MTA1: variants seen among roughly 807,000 people sequenced by gnomAD.
MTA1 encodes the protein metastasis-associated protein MTA1.
In MTA1, 15 loss-of-function variants were observed where a neutral mutation model predicts 97.0. The ratio of observed to expected loss-of-function variants is 0.15; its 90% CI spans 0.10 to 0.24. The LOEUF (loss-of-function observed/expected upper bound fraction) is 0.24. Among genes scored for constraint, MTA1 ranks in the 10% least tolerant of loss-of-function variants. The pLI is 1.00. For missense variants in MTA1, 709 were observed against 1,015.1 expected (o/e 0.70, Z 4.10); for synonymous variants, 435 against 417.5 (o/e 1.04, Z -0.51).
At chr14:105,435,152 G>C (rs984469438) in intron 1 of MTA1, among the ~76,000 whole-genome samples, 6 of 152,144 alleles carry the variant, frequency 3.9e-5, no homozygotes, top group African/African-American at 1.4e-4. Flanking sequence ...TTAGTTCCTT[G>C]TTTGCTCAGA....
Position 105,450,037 on chromosome 14 carries a change from CA to C in MTA1, c.242-20del. ...CAGTGTGCGTCTGCCGCGGTGCTGA[CA>C]GGGGCTCCTTGTCCTTCAGGGGAAA... On this transcript the variant is annotated intron_variant, in intron 4 of 20. Transcript: ENST00000331320. 1 of 1,613,414 alleles carries C rather than the reference CA, an allele frequency of 6.2e-7. No homozygotes were observed. The highest frequency in any genetic ancestry group is 1.1e-5 in the South Asian group (1 of 91,052).
At chr14:105,430,400 T>C (rs1389517988) in intron 1 of MTA1, among the ~76,000 whole-genome samples, 3 of 152,150 alleles carry the variant, frequency 2.0e-5, no homozygotes, top group African/African-American at 4.8e-5. Flanking sequence ...AAGTTCTTAG[T>C]TGGGGTATGG....
intron 1 of MTA1, among the ~76,000 whole-genome samples, chr14:105,437,216 C>A (rs1555424559): frequency 6.6e-6 from 1 of 152,102 alleles, no homozygotes; most frequent in African/African-American, 2.4e-5. Flanking sequence ...GGTGTGCACC[C>A]ACAGATGTGT....
chr14:105,459,431 G>A (rs71423211), intron 8 of MTA1, among the ~76,000 whole-genome samples: 546 of 3,472 alleles, frequency 0.16, 199 homozygotes, highest in South Asian at 1. Context: ...GGGGGAGTCC[G>A]TGCTGCCCAT....
chr14:105,427,969 G>A (rs987113112), intron 1 of MTA1, among the ~76,000 whole-genome samples: 2 of 142,042 alleles, frequency 1.4e-5, no homozygotes, highest in South Asian at 2.2e-4. Context: ...AGTGAGTGGA[G>A]ATCGCACCAC....
At chr14:105,467,780 G>A in intron 18 of MTA1, 1 of 277,644 alleles carries the variant, frequency 3.6e-6, no homozygotes, top group South Asian at 3.1e-5. Flanking sequence ...TGTTCCTAAT[G>A]GCAGGGCGTC....
At chr14:105,462,890 T>A (rs79218261) in intron 10 of MTA1, among the ~76,000 whole-genome samples, 72 of 151,212 alleles carry the variant, frequency 4.8e-4, no homozygotes, top group Non-Finnish European at 8.6e-4. Context: ...AAAAAAAGGC[T>A]GAGATGGAGG....
At position 105,422,477 on chromosome 14, in the gene MTA1, G is replaced by T. The variant is rs1020206357; in HGVS notation, c.28+2414G>T. Among the ~76,000 whole-genome samples, 13 of 152,262 alleles carry T rather than the reference G, an allele frequency of 8.5e-5. No homozygotes were observed. The highest frequency in any genetic ancestry group is 2.9e-4 in the African/African-American group (12 of 41,560). On this transcript the variant is annotated intron_variant, in intron 1 of 20. Transcript: ENST00000331320. The surrounding 1 kb of genome is among the most constrained non-coding windows in gnomAD (Gnocchi z 4.3). ...CCTGGCCTGTGGGAGATGCCGGCAG[G>T]GACCCAGCCTGGGAAGGGGCTTGCT...
rs2083450202 is a variant in MTA1, at chr14:105,463,697, C to G, written c.1076+146C>G. 2 of 739,416 alleles carry G rather than the reference C, an allele frequency of 2.7e-6. No homozygotes were observed. Among genetic ancestry groups the G allele is most frequent in the Admixed American group, 5.2e-5 (2 of 38,188 alleles). The allele number at this position is 739,416 out of a possible 1,614,324, so 45.8% of individuals were successfully genotyped here. A position where few individuals can be genotyped will look rare whatever the true frequency, so the allele number is the denominator to read the frequency against. On this transcript the variant is annotated intron_variant, in intron 12 of 20. Coordinates refer to ENST00000331320, the MANE Select transcript of MTA1 (RefSeq NM_004689.4). This position sits in a 1 kb window ranked among gnomAD's most constrained non-coding sequence, Gnocchi z 5.9. Reference sequence around the variant, plus strand: ...CAGCCCCCGGGAGGGCGGCCCAGGGCTGGGGGGTTCTGGCTGCAGACGCAG... The same window carrying G: ...CAGCCCCCGGGAGGGCGGCCCAGGGGTGGGGGGTTCTGGCTGCAGACGCAG...
chr14:105,464,238 C>A (rs587665476), intron 13 of MTA1, 91 bp downstream of exon 13: 1 of 1,453,626 alleles, frequency 6.9e-7, no homozygotes, highest in Non-Finnish European at 9.4e-7. Flanking sequence ...CATGGCCCAG[C>A]CTGCAAGGGG....
At chr14:105,460,565 C>A in intron 9 of MTA1, 108 bp downstream of exon 9, 2 of 1,265,250 alleles carry the variant, frequency 1.6e-6, no homozygotes, top group African/African-American at 1.5e-5. Flanking sequence ...GTATTCAGGA[C>A]CCCTGCAGAG....
At chr14:105,468,210 C>A (rs918654636) in intron 18 of MTA1, 1 of 1,023,326 alleles carries the variant, frequency 9.8e-7, no homozygotes, top group East Asian at 6.0e-5. Flanking sequence ...GGCCCCAGCG[C>A]TCTAACCCGG....
rs2081951865 is a variant in MTA1, at chr14:105,424,521, AGTCTCACTCT to A, written c.28+4462_28+4471del. Among the ~76,000 whole-genome samples the A allele has an allele frequency of 6.7e-6, 1 of 149,528 alleles. No individual in the cohort carries two copies. Among genetic ancestry groups the A allele is most frequent in the Admixed American group, 6.7e-5 (1 of 14,994 alleles). ...TGGCTTTTTTTTTTGTTTTTGAGAC[AGTCTCACTCT>A]GTCACCCAGGCTGGAGTGCAGTGGC... On this transcript the variant is annotated intron_variant, in intron 1 of 20. Coordinates refer to ENST00000331320, the MANE Select transcript of MTA1 (RefSeq NM_004689.4). The surrounding 1 kb of genome is among the most constrained non-coding windows in gnomAD (Gnocchi z 4.0).
In MTA1 at chr14:105,464,973, C is replaced by G. The variant is rs1293317331; in HGVS notation, c.1534+110C>G. On this transcript the variant is annotated intron_variant, in intron 15 of 20. Transcript: ENST00000331320. ...ACTGGGAGTTCTGATCTCAGGGAGC[C>G]CCACGTCCTCCTCGGTGCTGACATG... 5 of 1,422,186 alleles carry G rather than the reference C, an allele frequency of 3.5e-6. No individual in the cohort carries two copies. The Admixed American group carries it at 7.9e-5, about 22-fold the overall frequency. 88.1% of individuals were successfully genotyped at this position (1,422,186 alleles called of 1,614,324 possible).
intron 2 of MTA1, 64 bp downstream of exon 2, chr14:105,438,803 C>T (rs1819832188): frequency 2.6e-6 from 4 of 1,563,048 alleles, no homozygotes; most frequent in Admixed American, 1.7e-5. Context: ...AGCTCCTGCC[C>T]TGTGGGTGGC....
Position 105,457,880 on chromosome 14 carries a change from G to A in MTA1, c.551-390G>A, listed in dbSNP as rs587725921. 2.6e-4 allele frequency among the ~76,000 whole-genome samples: 39 copies of A among 152,068 alleles called. No individual in the cohort carries two copies. In the East Asian group the frequency reaches 6.0e-3, roughly 23 times the overall value. ...GCGGAGGTTGTAGTGAGCCAAGATC[G>A]TACCACTGTATTCCAGCCTGGGCGA... On this transcript the variant is annotated intron_variant, in intron 7 of 20. Transcript: ENST00000331320.
chr14:105,440,386 C>T (rs2082470110), intron 2 of MTA1, among the ~76,000 whole-genome samples: 1 of 152,220 alleles, frequency 6.6e-6, no homozygotes, highest in African/African-American at 2.4e-5. Flanking sequence ...CGGCAGATGG[C>T]ACTGCTGGCC....
At chr14:105,454,170 C>T (rs370055630) in intron 6 of MTA1, 23 bp from the exon 7 acceptor site, 3 of 1,581,422 alleles carry the variant, frequency 1.9e-6, no homozygotes, top group Non-Finnish European at 1.7e-6. Context: ...TGACGCCTCT[C>T]TGTCTCCTGT....
rs1555433902 is a variant in MTA1, at chr14:105,469,868, G to C, written c.1873G>C (p.Gly625Arg). Residue 625 changes from glycine to arginine, a missense_variant, in exon 20 of 21, where the codon GGG (glycine) becomes CGG (arginine). By Grantham distance (125) the Gly-to-Arg change is moderately radical (BLOSUM62 -2). Coordinates refer to ENST00000331320, the MANE Select transcript of MTA1 (RefSeq NM_004689.4). ...ACCAAGCCGGAACCTCCTGCTCAAC[G>C]GGAAGTCCTACCCCACCAAAGTGCG... ...MGPSRNLLLN[G>R]KSYPTKVRLI... The C allele has an allele frequency of 6.2e-7, 1 of 1,609,704 alleles. No individual in the cohort carries two copies. Among genetic ancestry groups the C allele is most frequent in the South Asian group, 1.1e-5 (1 of 90,544 alleles).
Sources: allele counts gnomAD v4.1 joint callset (sites outside exome capture counted in the v4.1 genomes callset), GRCh38; gene constraint gnomAD v4.1.1; non-coding constraint Gnocchi (gnomAD v3.1); transcripts MANE v1.5; gene names NCBI Gene and HGNC (gene_info 2026-07-23, HGNC 2026-07-21).